Variants in ABCA9 observed in about 807,000 individuals in gnomAD.
The protein encoded by ABCA9 is ATP-binding cassette sub-family A member 9.
In ABCA9, 183 loss-of-function variants were observed where a neutral mutation model predicts 205.3. The ratio of observed to expected loss-of-function variants is 0.89; its 90% CI spans 0.79 to 1.01. ABCA9 has a LOEUF of 1.01. ABCA9 is among the 50% of genes least tolerant of loss of function. The probability of loss-of-function intolerance (pLI) is 0.00; values close to 1 mark genes in which losing one functional copy is unlikely to be tolerated. For missense variants in ABCA9, 1,805 were observed against 1,912.4 expected, an observed-to-expected ratio of 0.94 and a Z score of 1.05; for synonymous variants, 651 against 683.3, an observed-to-expected ratio of 0.95 and a Z score of 0.74.
chr17:69,013,933 T>A (rs1039275874), intron 22 of ABCA9, among the ~76,000 whole-genome samples: 1 of 152,200 alleles, frequency 6.6e-6, no homozygotes, highest in Non-Finnish European at 1.5e-5. Context: ...AGATAATTTG[T>A]CTACCTATGA....
upstream of ABCA9, among the ~76,000 whole-genome samples, chr17:69,063,164 C>T (rs1044118110): frequency 2.5e-5 from 3 of 118,736 alleles, no homozygotes; most frequent in African/African-American, 7.4e-5. Context: ...GCTATGCTGT[C>T]TCATTTGCAT....
intron 21 of ABCA9, 63 bp from the exon 22 acceptor site, chr17:69,016,453 A>C: frequency 7.0e-7 from 1 of 1,426,322 alleles, no homozygotes; most frequent in Non-Finnish European, 9.3e-7. Flanking sequence ...TAATGAGTGA[A>C]CATGTTAGAA....
intron 17 of ABCA9, 53 bp from the exon 18 acceptor site, chr17:69,021,914 A>G (rs2070823214): frequency 2.4e-6 from 3 of 1,273,716 alleles, no homozygotes; most frequent in East Asian, 2.6e-5. Context: ...AATGAGAACC[A>G]TATTTCTCAA....
chr17:69,048,582 G>A (rs2071797200), intron 3 of ABCA9, among the ~76,000 whole-genome samples: 1 of 152,050 alleles, frequency 6.6e-6, no homozygotes, highest in African/African-American at 2.4e-5. Context: ...AGGACACATG[G>A]GTGAGAGAAT....
intron 32 of ABCA9, 66 bp downstream of exon 32, chr17:68,986,098 T>TC: frequency 6.8e-7 from 1 of 1,461,394 alleles, no homozygotes; most frequent in Non-Finnish European, 9.1e-7. Flanking sequence ...CTGTCTTCAT[T>TC]TTGTGTGTAT....
At chr17:68,988,190 T>C (rs2069311862) in intron 31 of ABCA9, among the ~76,000 whole-genome samples, 1 of 152,208 alleles carries the variant, frequency 6.6e-6, no homozygotes, top group Admixed American at 6.5e-5. Flanking sequence ...CCCTCTGACA[T>C]TGAGCTCATG....
intron 31 of ABCA9, among the ~76,000 whole-genome samples, chr17:68,987,747 T>G (rs1356568770): frequency 1.3e-5 from 1 of 77,498 alleles, no homozygotes; most frequent in African/African-American, 4.2e-5. Context: ...TTTTTTTTTG[T>G]TTGTTTGTTT....
At chr17:69,078,570 A>T in the ABCA9 span, 1 of 153,542 alleles carries the variant, frequency 6.5e-6, no homozygotes, top group Admixed American at 6.5e-5. Context: ...GTTATAAAAG[A>T]AAACCTGTAT....
At chr17:68,992,823 AAAG>A (rs1286420023) in intron 27 of ABCA9, 190 bp downstream of exon 27, 820 of 390,556 alleles carry the variant, frequency 2.1e-3, no homozygotes, top group South Asian at 3.4e-3. Context: ...CAAAAAAAAA[AAAG>A]GGGGGGGGTC....
At chr17:69,074,228 A>G in the ABCA9 span, among the ~76,000 whole-genome samples, 1 of 152,040 alleles carries the variant, frequency 6.6e-6, no homozygotes, top group African/African-American at 2.4e-5. Context: ...AATTTTCTTC[A>G]TTGACTATAA....
chr17:69,029,255 A>T, intron 10 of ABCA9, 28 bp from the exon 11 acceptor site: 2 of 1,431,904 alleles, frequency 1.4e-6, no homozygotes, highest in Non-Finnish European at 1.9e-6. Context: ...ATGTTTTCAG[A>T]GAATTGTAAA....
At chr17:69,029,489 T>C (rs1367047552) in intron 10 of ABCA9, among the ~76,000 whole-genome samples, 1 of 152,202 alleles carries the variant, frequency 6.6e-6, no homozygotes, top group East Asian at 1.9e-4. Context: ...CACGGAAATA[T>C]ATTGTTAGAA....
At chr17:69,061,764 A>G (rs1162697235), upstream of ABCA9, among the ~76,000 whole-genome samples, 2 of 152,204 alleles carry the variant, frequency 1.3e-5, no homozygotes, top group African/African-American at 2.4e-5. Context: ...TGAGCATCTT[A>G]TGTAAGTAGA....
At chr17:69,040,191 C>T (rs1033345833) in intron 6 of ABCA9, among the ~76,000 whole-genome samples, 1 of 152,186 alleles carries the variant, frequency 6.6e-6, no homozygotes, top group African/African-American at 2.4e-5. Flanking sequence ...TTTGACCCAG[C>T]AATCCCATTA....
rs1289493046 is a variant in ABCA9 at position 69,001,283 on chromosome 17, A to G, written c.3436-5269T>C. 2.0e-5 allele frequency among the ~76,000 whole-genome samples: 3 copies of G among 151,706 alleles called. No homozygotes were observed. In the East Asian group the frequency reaches 5.8e-4, roughly 29 times the overall value. ...GTCATAGATAACTCTTATTATTTTGAATGTCCCATCAATACCTAATTTATT... is the reference window on the plus strand; with the variant it reads ...GTCATAGATAACTCTTATTATTTTGGATGTCCCATCAATACCTAATTTATT... On this transcript the variant is annotated intron_variant, in intron 25 of 38. Coordinates refer to ENST00000340001, the MANE Select transcript of ABCA9 (RefSeq NM_080283.4).
chr17:69,005,145 C>A (rs1318414674), intron 25 of ABCA9, among the ~76,000 whole-genome samples: 1 of 152,200 alleles, frequency 6.6e-6, no homozygotes, highest in African/African-American at 2.4e-5. Flanking sequence ...TTGGCTCGTC[C>A]CTCCTGGCTT....
intron 6 of ABCA9, among the ~76,000 whole-genome samples, chr17:69,041,631 GA>G (rs1195219397): frequency 6.6e-6 from 1 of 152,110 alleles, no homozygotes. Context: ...TTGAACCCGG[GA>G]GGGGGAGGTT....
chr17:69,043,635 T>A lies in ABCA9; in HGVS notation c.654A>T (p.Gln218His). 3 of 1,613,806 alleles carry A rather than the reference T, an allele frequency of 1.9e-6. No homozygotes were observed. The highest frequency in any genetic ancestry group is 2.5e-6 in the Non-Finnish European group (3 of 1,179,888). ...TGAAAAAATCAGTTGCAACTCCTCC[T>A]TGGGCAACAAAAGGTAATATCTTCA... Reference protein sequence around the residue: ...VHMKILPFVAQGGVATDFFIF... With the variant: ...VHMKILPFVAHGGVATDFFIF... Residue 218 changes from glutamine to histidine, a missense_variant, in exon 6 of 39, where the codon CAA becomes CAT. Gln to His is a conservative substitution (Grantham distance 24). Transcript: ENST00000340001.
intron 37 of ABCA9, among the ~76,000 whole-genome samples, chr17:68,977,849 T>C (rs1233980666): frequency 6.6e-6 from 1 of 152,198 alleles, no homozygotes; most frequent in East Asian, 1.9e-4. Context: ...TGATAAATAC[T>C]TTGTTTTTCC....
Sources: gnomAD v4.1 joint callset for allele counts (sites outside exome capture counted in the v4.1 genomes callset) on GRCh38, gnomAD v4.1.1 for gene constraint, MANE v1.5 for transcripts, NCBI Gene and HGNC (gene_info 2026-07-23, HGNC 2026-07-21) for gene names.